Variants in DOCK5 observed in about 807,000 individuals in gnomAD.
DOCK5 encodes dedicator of cytokinesis 5, also known as dedicator of cytokinesis protein 5.
DOCK5 carries 142 observed loss-of-function variants against 251.8 expected under a neutral mutation model. The observed-to-expected ratio is 0.56, with a 90% CI of 0.49 to 0.65. DOCK5 has a LOEUF of 0.65. Ranked by LOEUF, DOCK5 falls within the 30% of genes least tolerant of loss-of-function variation. The probability of loss-of-function intolerance (pLI) is 0.00; values close to 1 mark genes in which losing one functional copy is unlikely to be tolerated. For missense variants in DOCK5, 2,111 were observed against 2,312.3 expected (o/e 0.91, Z 1.79); for synonymous variants, 842 against 835.5 (o/e 1.01, Z -0.13).
chr8:25,349,300 AACTATGAAAAACAG>A (rs1186477546), intron 26 of DOCK5, among the ~76,000 whole-genome samples: 5 of 152,198 alleles, frequency 3.3e-5, no homozygotes, highest in Non-Finnish European at 7.3e-5. Flanking sequence ...CAGTATGAAA[AACTATGAAAAACAG>A]ACTATGAAAA....
intron 1 of DOCK5, among the ~76,000 whole-genome samples, chr8:25,197,994 C>T (rs1801777774): frequency 6.6e-6 from 1 of 152,082 alleles, no homozygotes. Context: ...TCGTGATCCG[C>T]CTGCGTCGGC....
intron 1 of DOCK5, among the ~76,000 whole-genome samples, chr8:25,226,957 A>C (rs1802549513): frequency 6.6e-6 from 1 of 152,176 alleles, no homozygotes; most frequent in Admixed American, 6.6e-5. Flanking sequence ...ACTTTCCTTT[A>C]AAAGGTGACT....
intron 6 of DOCK5, among the ~76,000 whole-genome samples, chr8:25,293,970 C>T (rs190119574): frequency 4.2e-3 from 642 of 152,286 alleles, no homozygotes; most frequent in African/African-American, 0.015. Flanking sequence ...TGCCACTGCA[C>T]TCCAGCCTGG....
At chr8:25,309,030 C>T in intron 12 of DOCK5, 105 bp downstream of exon 12, 2 of 1,451,910 alleles carry the variant, frequency 1.4e-6, no homozygotes, top group South Asian at 2.9e-5. Context: ...TGATACAAAA[C>T]AGCCTCTGCT....
chr8:25,266,541 T>G (rs1419751923), intron 2 of DOCK5, among the ~76,000 whole-genome samples: 1 of 151,970 alleles, frequency 6.6e-6, no homozygotes, highest in Non-Finnish European at 1.5e-5. Flanking sequence ...ATTATGATTG[T>G]CTTACTGTAA....
intron 3 of DOCK5, among the ~76,000 whole-genome samples, chr8:25,270,566 A>G (rs983097292): frequency 4.6e-5 from 7 of 152,346 alleles, no homozygotes; most frequent in Admixed American, 4.6e-4. Flanking sequence ...ATTTAAAAAC[A>G]ATAAACAAAA....
chr8:25,307,437 T>G (rs1338527003), intron 11 of DOCK5, among the ~76,000 whole-genome samples: 3 of 152,152 alleles, frequency 2.0e-5, no homozygotes, highest in Non-Finnish European at 4.4e-5. Context: ...TATAATCTTA[T>G]GGGACCATGG....
intron 37 of DOCK5, 64 bp downstream of exon 37, chr8:25,374,718 A>G (rs1800934107): frequency 1.9e-6 from 3 of 1,612,508 alleles, no homozygotes; most frequent in South Asian, 1.1e-5. Context: ...ACTAAATTCT[A>G]TACATTTCAT....
In DOCK5 at chr8:25,363,062, A is replaced by G; in HGVS notation, c.2965A>G (p.Thr989Ala). The G allele has an allele frequency of 6.2e-7, 1 of 1,613,964 alleles. No individual in the cohort carries two copies. The highest frequency in any genetic ancestry group is 8.5e-7 in the Non-Finnish European group (1 of 1,179,842). The change falls in exon 29 of 52, where the codon ACT (threonine) becomes GCT (alanine). Residue 989 changes from threonine to alanine, a missense_variant. By Grantham distance (58) the Thr-to-Ala change is moderately conservative. Transcript: ENST00000276440. ...RQDIIDFLME[T>A]FIMFKDLIGK... Reference sequence around the variant, plus strand: ...TTCTCCGCAGGACTTCCTCATGGAAACTTTTATCATGTTCAAGGACCTGAT... The same window carrying G: ...TTCTCCGCAGGACTTCCTCATGGAAGCTTTTATCATGTTCAAGGACCTGAT...
intron 25 of DOCK5, among the ~76,000 whole-genome samples, chr8:25,342,924 C>A (rs1313472619): frequency 6.6e-6 from 1 of 151,526 alleles, no homozygotes; most frequent in East Asian, 2.0e-4. Flanking sequence ...CCAGGATGGT[C>A]TTGATCTCCT....
chr8:25,226,258 C>CTTTTT (rs1179597860), intron 1 of DOCK5, among the ~76,000 whole-genome samples: 23 of 116,946 alleles, frequency 2.0e-4, no homozygotes, highest in South Asian at 2.7e-4. Context: ...GTATAGGCTG[C>CTTTTT]TTTTTTTTTT....
intron 13 of DOCK5, among the ~76,000 whole-genome samples, chr8:25,315,486 C>T (rs1185355942): frequency 1.3e-5 from 2 of 152,178 alleles, no homozygotes; most frequent in East Asian, 3.9e-4. Flanking sequence ...CATAGCCACC[C>T]AGACACCCAG....
intron 1 of DOCK5, among the ~76,000 whole-genome samples, chr8:25,189,042 C>CTTTTTTTTTTTTTTTTTTTTTTTTTTTTT (rs1432735816): frequency 1.0e-5 from 1 of 97,642 alleles, no homozygotes; most frequent in African/African-American, 3.4e-5. Context: ...TTCTTTCTTT[C>CTTTTTTTTTTTTTTTTTTTTTTTTTTTTT]TTTCTTTTTT....
In DOCK5 at chr8:25,384,832, C is replaced by A. The variant is rs534101836; in HGVS notation, c.4131+2054C>A. On this transcript the variant is annotated intron_variant, in intron 40 of 51. Transcript: ENST00000276440. ...CCTGTAATCCCAGCTACTTGGGAAGCTGAGGTAGGAGAATCACTTGAGCTC... is the reference window on the plus strand; with the variant it reads ...CCTGTAATCCCAGCTACTTGGGAAGATGAGGTAGGAGAATCACTTGAGCTC... 6.2e-4 allele frequency among the ~76,000 whole-genome samples: 95 copies of A among 152,162 alleles called. 1 individual carries two copies. Among genetic ancestry groups the A allele is most frequent in the South Asian group, 3.3e-3 (16 of 4,818 alleles).
At chr8:25,339,089 G>A (rs1805885712) in intron 22 of DOCK5, among the ~76,000 whole-genome samples, 1 of 152,130 alleles carries the variant, frequency 6.6e-6, no homozygotes, top group Non-Finnish European at 1.5e-5. Context: ...GACTGGCAAT[G>A]TGCGTCCCCT....
intron 20 of DOCK5, 131 bp downstream of exon 20, chr8:25,332,823 T>C: frequency 3.0e-6 from 2 of 676,270 alleles, no homozygotes; most frequent in Non-Finnish European, 4.6e-6. Context: ...GTTATTGTTT[T>C]AGGCTGAATT....
At chr8:25,335,834 A>G (rs1805792781) in intron 21 of DOCK5, among the ~76,000 whole-genome samples, 1 of 152,238 alleles carries the variant, frequency 6.6e-6, no homozygotes. Context: ...GGGTTGAGGC[A>G]GAATAAAAGG....
chr8:25,196,493 A>G (rs1217945691), intron 1 of DOCK5, among the ~76,000 whole-genome samples: 1 of 152,242 alleles, frequency 6.6e-6, no homozygotes, highest in East Asian at 1.9e-4. Flanking sequence ...AATTTGGAGA[A>G]GAAGAAAAAG....
intron 5 of DOCK5, 109 bp downstream of exon 5, chr8:25,278,774 A>G: frequency 2.1e-6 from 2 of 969,472 alleles, no homozygotes; most frequent in Non-Finnish European, 3.2e-6. Context: ...AGTGGGATGC[A>G]TTCTCCCTGG....
Sources: gnomAD v4.1 joint callset for allele counts (sites outside exome capture counted in the v4.1 genomes callset) on GRCh38, gnomAD v4.1.1 for gene constraint, MANE v1.5 for transcripts, NCBI Gene and HGNC (gene_info 2026-07-23, HGNC 2026-07-21) for gene names.